MFHAS1: variants seen among roughly 807,000 people sequenced by gnomAD.
The protein encoded by MFHAS1 is multifunctional ROCO family signaling regulator 1.
MFHAS1 carries 50 observed loss-of-function variants against 70.4 expected under a neutral mutation model. The observed-to-expected ratio is 0.71, with a 90% CI of 0.57 to 0.90. The LOEUF is 0.90. Among genes scored for constraint, MFHAS1 ranks in the 40% least tolerant of loss-of-function variants. The pLI is 0.00. For synonymous variants in MFHAS1, 952 were observed against 620.0 expected (o/e 1.54, Z -7.96); for missense variants, 1,795 against 1,347.6 (o/e 1.33, Z -5.20).
At chr8:8,886,217 G>T (rs946020374) in intron 1 of MFHAS1, among the ~76,000 whole-genome samples, 1 of 151,698 alleles carries the variant, frequency 6.6e-6, no homozygotes, top group South Asian at 2.1e-4. Flanking sequence ...CAGGGTCAGA[G>T]TGCAATGGCA....
intron 1 of MFHAS1, among the ~76,000 whole-genome samples, chr8:8,798,018 G>C (rs554543953): frequency 6.6e-6 from 1 of 152,138 alleles, no homozygotes; most frequent in Non-Finnish European, 1.5e-5. Flanking sequence ...CTGGGCAAGG[G>C]GATTGCCCTG....
rs566917444 is a variant in MFHAS1 at position 8,785,771 on chromosome 8, G to A, written c.*251C>T. The A allele has an allele frequency of 2.4e-5, 9 of 376,470 alleles. No homozygotes were observed. The highest frequency in any genetic ancestry group is 8.4e-5 in the South Asian group (1 of 11,950). 23.3% of individuals were successfully genotyped at this position (376,470 alleles called of 1,614,324 possible). On this transcript the variant is annotated 3_prime_UTR_variant, in exon 3 of 3. Transcript: ENST00000276282. ...TTTTTTTTTCTTTTCTTCAAGTAGC[G>A]CGCTCCTTGGAGGATCACAGTTCTG...
chr8:8,863,365 T>C (rs1239315739), intron 1 of MFHAS1, among the ~76,000 whole-genome samples: 2 of 152,208 alleles, frequency 1.3e-5, no homozygotes, highest in Non-Finnish European at 2.9e-5. Flanking sequence ...ACTCCCTCCA[T>C]TCCTTTTTCC....
In MFHAS1 at chr8:8,890,873, T is replaced by C. The variant is rs746686373; in HGVS notation, c.2186A>G (p.Asn729Ser). Residue 729 changes from asparagine (N) to serine (S), a missense_variant, in exon 1 of 3, where the codon AAC becomes AGC. By Grantham distance (46) the Asn-to-Ser change is conservative (BLOSUM62 1). Coordinates refer to ENST00000276282, the MANE Select transcript of MFHAS1 (RefSeq NM_004225.3). ...SPALKEHVFH[N>S]LTRLIDILNV... ...GAGGATGTCGATGAGGCGGGTGAGG[T>C]TGTGGAAGACGTGCTCCTTGAGAGC... is the stretch of plus-strand genomic sequence containing the variant. The C allele has an allele frequency of 1.2e-5, 20 of 1,613,676 alleles. No homozygotes were observed. The highest frequency in any genetic ancestry group is 1.6e-5 in the Non-Finnish European group (19 of 1,179,922).
chr8:8,841,286 C>G (rs1807812259), intron 1 of MFHAS1, among the ~76,000 whole-genome samples: 1 of 151,958 alleles, frequency 6.6e-6, no homozygotes, highest in East Asian at 1.9e-4. Context: ...ACCAGCCTGG[C>G]CAACATAGTG....
chr8:8,874,331 TACACACACACACAC>T (rs35271686), intron 1 of MFHAS1, among the ~76,000 whole-genome samples: 22 of 144,692 alleles, frequency 1.5e-4, no homozygotes, highest in Non-Finnish European at 2.3e-4. Context: ...TATAACATTC[TACACACACACACAC>T]ACACACACAC....
At chr8:8,879,765 T>A (rs1809439900) in intron 1 of MFHAS1, among the ~76,000 whole-genome samples, 1 of 152,128 alleles carries the variant, frequency 6.6e-6, no homozygotes, top group African/African-American at 2.4e-5. Context: ...AAGCCCAAGA[T>A]CAGGTATTTT....
intron 1 of MFHAS1, among the ~76,000 whole-genome samples, chr8:8,858,775 G>A (rs1443193439): frequency 6.6e-6 from 1 of 152,068 alleles, no homozygotes; most frequent in Non-Finnish European, 1.5e-5. Context: ...CGTCGAGGTG[G>A]ACCCAAGCAG....
chr8:8,799,677 A>G (rs1219692582), intron 1 of MFHAS1, among the ~76,000 whole-genome samples: 1 of 152,178 alleles, frequency 6.6e-6, no homozygotes, highest in Admixed American at 6.5e-5. Context: ...AATCACTTGA[A>G]TCCAGGAGGC....
chr8:8,796,347 C>T (rs1017757744), intron 2 of MFHAS1, among the ~76,000 whole-genome samples: 1 of 152,158 alleles, frequency 6.6e-6, no homozygotes, highest in Non-Finnish European at 1.5e-5. Context: ...AATGGGCCTG[C>T]GCTGGTTTTT....
intron 1 of MFHAS1, among the ~76,000 whole-genome samples, chr8:8,834,542 T>C (rs1211738150): frequency 6.6e-6 from 1 of 152,242 alleles, no homozygotes; most frequent in African/African-American, 2.4e-5. Context: ...TGTGTTATAA[T>C]TGCCTATAGT....
In MFHAS1 at chr8:8,832,951, A is replaced by G. The variant is rs370793394; in HGVS notation, c.2999-35460T>C. ...GTAATTTATAAAGAAAAGAGGCTTA[A>G]TTGGCTCACAGTTCTGCAGGCTGTA... On this transcript the variant is annotated intron_variant, in intron 1 of 2. Coordinates refer to ENST00000276282, the MANE Select transcript of MFHAS1 (RefSeq NM_004225.3). Among the ~76,000 whole-genome samples the G allele has an allele frequency of 2.1e-4, 32 of 152,316 alleles. No individual in the cohort carries two copies. The South Asian group carries it at 6.0e-3, about 29-fold the overall frequency.
chr8:8,873,871 G>T (rs906441971), intron 1 of MFHAS1, among the ~76,000 whole-genome samples: 6 of 152,122 alleles, frequency 3.9e-5, no homozygotes, highest in African/African-American at 1.4e-4. Flanking sequence ...GTTTTATTTT[G>T]ATCAGCGGTA....
chr8:8,847,287 T>C (rs1021999967), intron 1 of MFHAS1, among the ~76,000 whole-genome samples: 3 of 152,204 alleles, frequency 2.0e-5, no homozygotes, highest in African/African-American at 7.2e-5. Flanking sequence ...GTTGAAGTGA[T>C]TCTCCTGCCT....
intron 1 of MFHAS1, among the ~76,000 whole-genome samples, chr8:8,837,033 T>C (rs138636424): frequency 1.3e-4 from 20 of 152,314 alleles, no homozygotes; most frequent in African/African-American, 3.8e-4. Context: ...CTGAACTGGA[T>C]TGGGACGTGC....
At chr8:8,860,461 C>T (rs985263784) in intron 1 of MFHAS1, among the ~76,000 whole-genome samples, 1 of 152,210 alleles carries the variant, frequency 6.6e-6, no homozygotes, top group African/African-American at 2.4e-5. Context: ...TGCTGGCATG[C>T]ATCTCTACTA....
At chr8:8,875,201 ACT>A (rs2116917463) in intron 1 of MFHAS1, among the ~76,000 whole-genome samples, 1 of 152,280 alleles carries the variant, frequency 6.6e-6, no homozygotes, top group South Asian at 2.1e-4. Flanking sequence ...TGACTCAATG[ACT>A]CTACTTCGGG....
At chr8:8,790,239 C>A (rs533102138) in intron 2 of MFHAS1, 68 of 292,794 alleles carry the variant, frequency 2.3e-4, no homozygotes, top group African/African-American at 1.5e-3. Context: ...TTCATCCCAA[C>A]ACCCCCATAT....
chr8:8,832,476 G>A (rs570034727), intron 1 of MFHAS1, among the ~76,000 whole-genome samples: 49 of 148,686 alleles, frequency 3.3e-4, no homozygotes, highest in Non-Finnish European at 6.5e-4. Context: ...CCACAGAAAT[G>A]GCACAATGAG....
Sources: gnomAD v4.1 joint callset for allele counts (sites outside exome capture counted in the v4.1 genomes callset) on GRCh38, gnomAD v4.1.1 for gene constraint, MANE v1.5 for transcripts, NCBI Gene and HGNC (gene_info 2026-07-23, HGNC 2026-07-21) for gene names.